Variants in DLGAP1 observed in about 807,000 individuals in gnomAD.
DLGAP1 encodes DLG associated protein 1.
Under a neutral mutation model 90.8 loss-of-function variants are expected in DLGAP1, and 11 were observed. The ratio of observed to expected loss-of-function variants is 0.12; its 90% CI spans 0.08 to 0.20. DLGAP1 has a LOEUF of 0.20. Ranked by LOEUF, DLGAP1 falls within the 10% of genes least tolerant of loss-of-function variation. The probability of loss-of-function intolerance (pLI) is 1.00; values close to 1 mark genes in which losing one functional copy is unlikely to be tolerated. For synonymous variants in DLGAP1, 558 were observed against 540.7 expected (o/e 1.03, Z -0.44); for missense variants, 1,050 against 1,333.8 (o/e 0.79, Z 3.31).
At position 3,717,922 on chromosome 18, in the gene DLGAP1, C is replaced by T. The variant is rs542933145; in HGVS notation, c.1591+11213G>A. On this transcript the variant is annotated intron_variant, in intron 7 of 12. Coordinates refer to ENST00000315677, the MANE Select transcript of DLGAP1 (RefSeq NM_004746.4). ...ATATTAGAGTGGTAGGAAGTAGGAA[C>T]TTCAAGACTGCTACGTGCCAAAGTC... Among the ~76,000 whole-genome samples the T allele has an allele frequency of 4.6e-5, 7 of 152,310 alleles. No individual in the cohort carries two copies. In the East Asian group the frequency reaches 1.4e-3, roughly 29 times the overall value.
At chr18:4,115,362 AAAAG>A (rs1263072953) in intron 2 of DLGAP1, among the ~76,000 whole-genome samples, 2 of 152,090 alleles carry the variant, frequency 1.3e-5, no homozygotes, top group Admixed American at 6.5e-5. Flanking sequence ...CAAAACTGAG[AAAAG>A]AAAGAAGAGG....
intron 2 of DLGAP1, among the ~76,000 whole-genome samples, chr18:4,009,496 T>C (rs1486528262): frequency 2.0e-5 from 3 of 152,198 alleles, no homozygotes; most frequent in Non-Finnish European, 2.9e-5. Flanking sequence ...TGAATGTGCC[T>C]GGTACTCTCC....
intron 7 of DLGAP1, among the ~76,000 whole-genome samples, chr18:3,631,147 AT>A (rs796807690): frequency 2.4e-3 from 347 of 141,830 alleles, no homozygotes; most frequent in Middle Eastern, 7.2e-3. Context: ...CGCCCAGTTA[AT>A]TTTTTTTTTT....
rs552915969 is a variant in DLGAP1 at position 4,404,185 on chromosome 18, G to A, written c.-267+50821C>T. ...CAGTTTGTTGTTTTTATAACCATAT[G>A]AGTATTTCACTGTATATGACTTGGA... On this transcript the variant is annotated intron_variant, in intron 1 of 12. Transcript: ENST00000315677. Among the ~76,000 whole-genome samples, 93 of 152,268 alleles carry A rather than the reference G, an allele frequency of 6.1e-4. 1 individual carries two copies. The highest frequency in any genetic ancestry group is 2.2e-3 in the African/African-American group (90 of 41,560).
intron 1 of DLGAP1, among the ~76,000 whole-genome samples, chr18:4,201,066 T>C (rs564599095): frequency 6.6e-6 from 1 of 152,314 alleles, no homozygotes; most frequent in South Asian, 2.1e-4. Flanking sequence ...GTCAGATGTA[T>C]GCTTTGCAAA....
chr18:3,694,770 C>T (rs1421578674), intron 7 of DLGAP1, among the ~76,000 whole-genome samples: 2 of 151,674 alleles, frequency 1.3e-5, no homozygotes, highest in African/African-American at 4.8e-5. Context: ...CTTGTAGATT[C>T]TGGATATTAG....
intron 7 of DLGAP1, among the ~76,000 whole-genome samples, chr18:3,718,675 C>T (rs933825656): frequency 6.6e-6 from 1 of 150,724 alleles, no homozygotes; most frequent in African/African-American, 2.4e-5. Flanking sequence ...CCTGTAATCC[C>T]AGCACTTTGG....
chr18:3,598,878 A>G (rs1292300530), intron 7 of DLGAP1, among the ~76,000 whole-genome samples: 1 of 151,942 alleles, frequency 6.6e-6, no homozygotes, highest in Non-Finnish European at 1.5e-5. Flanking sequence ...GCTCACTGCA[A>G]CCTTCTGCCT....
chr18:4,112,743 A>G (rs1440792010), intron 2 of DLGAP1, among the ~76,000 whole-genome samples: 1 of 152,092 alleles, frequency 6.6e-6, no homozygotes, highest in Non-Finnish European at 1.5e-5. Context: ...TTACTTTTTC[A>G]GCTCTTGCCC....
At chr18:3,632,120 G>T (rs553302785) in intron 7 of DLGAP1, among the ~76,000 whole-genome samples, 1 of 152,034 alleles carries the variant, frequency 6.6e-6, no homozygotes, top group African/African-American at 2.4e-5. Context: ...ATGCCCATGC[G>T]TCCTTACTTA....
At chr18:4,292,382 GT>G (rs1029072041) in intron 1 of DLGAP1, among the ~76,000 whole-genome samples, 17 of 151,204 alleles carry the variant, frequency 1.1e-4, no homozygotes, top group Admixed American at 5.3e-4. Flanking sequence ...CAGCTACCAA[GT>G]TTTTTTTTCA....
rs577290152 is a variant in DLGAP1 at position 4,356,639 on chromosome 18, C to T, written c.-267+98367G>A. Among the ~76,000 whole-genome samples, 3 of 152,282 alleles carry T rather than the reference C, an allele frequency of 2.0e-5. No individual in the cohort carries two copies. In the East Asian group the frequency reaches 5.8e-4, roughly 29 times the overall value. Reference sequence around the variant, plus strand: ...CTTTACTGTTATCATCCTATTCTTGCCCACTATTATCTCTTGACTGGATTC... The same window carrying T: ...CTTTACTGTTATCATCCTATTCTTGTCCACTATTATCTCTTGACTGGATTC... On this transcript the variant is annotated intron_variant, in intron 1 of 12. Transcript: ENST00000315677.
intron 5 of DLGAP1, 140 bp downstream of exon 5, chr18:3,813,919 T>G: frequency 1.3e-6 from 1 of 792,492 alleles, no homozygotes; most frequent in Non-Finnish European, 2.1e-6. Context: ...GGACGTCAGA[T>G]CTAAAGTCAC....
intron 1 of DLGAP1, among the ~76,000 whole-genome samples, chr18:4,336,997 C>T (rs952586552): frequency 1.3e-5 from 2 of 149,604 alleles, no homozygotes; most frequent in African/African-American, 4.9e-5. Context: ...GCCTGTAGTT[C>T]CAGCTACTCC....
intron 4 of DLGAP1, among the ~76,000 whole-genome samples, chr18:3,834,103 C>T (rs1268507154): frequency 6.6e-6 from 1 of 151,774 alleles, no homozygotes; most frequent in Non-Finnish European, 1.5e-5. Flanking sequence ...TCAGGAGATC[C>T]AGACTATCCT....
intron 2 of DLGAP1, among the ~76,000 whole-genome samples, chr18:4,017,285 G>C (rs2074538793): frequency 6.6e-6 from 1 of 152,130 alleles, no homozygotes; most frequent in Non-Finnish European, 1.5e-5. Context: ...GCTTGTGTCT[G>C]TTTTGTTCAC....
At chr18:4,056,231 T>C (rs2075214670) in intron 2 of DLGAP1, among the ~76,000 whole-genome samples, 1 of 152,156 alleles carries the variant, frequency 6.6e-6, no homozygotes, top group Admixed American at 6.6e-5. Context: ...ATGAGGATCC[T>C]CGTACTGCAA....
chr18:3,699,274 C>T (rs570732716), intron 7 of DLGAP1, among the ~76,000 whole-genome samples: 184 of 152,184 alleles, frequency 1.2e-3, no homozygotes, highest in African/African-American at 4.1e-3. Flanking sequence ...TCCTCATCTT[C>T]GTGGATTTAT....
At chr18:4,232,783 C>T (rs770193920) in intron 1 of DLGAP1, among the ~76,000 whole-genome samples, 9 of 152,116 alleles carry the variant, frequency 5.9e-5, no homozygotes, top group Non-Finnish European at 8.8e-5. Context: ...GGGACCTCAC[C>T]GCATGAAAGC....
Sources: allele counts gnomAD v4.1 joint callset (sites outside exome capture counted in the v4.1 genomes callset), GRCh38; gene constraint gnomAD v4.1.1; transcripts MANE v1.5; gene names NCBI Gene and HGNC (gene_info 2026-07-23, HGNC 2026-07-21).